Variants in DOCK9 observed in about 807,000 individuals in gnomAD.
The protein encoded by DOCK9 is dedicator of cytokinesis 9.
In DOCK9, 89 loss-of-function variants were observed where a neutral mutation model predicts 263.3. The observed-to-expected ratio is 0.34, with a 90% confidence interval of 0.28 to 0.40. The LOEUF is 0.40. Among genes scored for constraint, DOCK9 ranks in the 10% least tolerant of loss-of-function variants. DOCK9 has a pLI of 1.00. For missense variants in DOCK9, 2,140 were observed against 2,603.4 expected (o/e 0.82, Z 3.87); for synonymous variants, 976 against 973.1 (o/e 1.00, Z -0.06).
intron 1 of DOCK9, among the ~76,000 whole-genome samples, chr13:99,063,214 C>T (rs1002549170): frequency 1.3e-5 from 2 of 152,200 alleles, no homozygotes; most frequent in South Asian, 2.1e-4. Context: ...CAGGGACAAA[C>T]GAACGATGAA....
At chr13:98,948,675 C>T (rs374227097) in intron 2 of DOCK9, among the ~76,000 whole-genome samples, 12 of 152,332 alleles carry the variant, frequency 7.9e-5, no homozygotes, top group Non-Finnish European at 1.5e-4. Context: ...TTTCCAACTG[C>T]GTCTCTGTTC....
intron 1 of DOCK9, among the ~76,000 whole-genome samples, chr13:99,018,888 T>C (rs933110258): frequency 6.6e-6 from 1 of 152,028 alleles, no homozygotes; most frequent in Non-Finnish European, 1.5e-5. Flanking sequence ...TAAGACTAAA[T>C]GTCTGCCTTT....
At chr13:98,804,182 C>G (rs1270734028) in intron 49 of DOCK9, among the ~76,000 whole-genome samples, 1 of 152,140 alleles carries the variant, frequency 6.6e-6, no homozygotes, top group Non-Finnish European at 1.5e-5. Flanking sequence ...CTTTGGAAGA[C>G]GTGTGGTGAA....
intron 25 of DOCK9, 27 bp from the exon 26 acceptor site, chr13:98,880,699 A>G (rs1433539777): frequency 1.2e-6 from 2 of 1,609,068 alleles, no homozygotes; most frequent in South Asian, 1.1e-5. Flanking sequence ...AAGAGACTTT[A>G]ATGCACTGGC....
Position 98,977,784 on chromosome 13 carries a change from C to G in DOCK9, c.126G>C (p.Pro42=). The change falls in exon 1 of 53, where the codon CCG becomes CCC. Residue 42 remains proline, a splice_region_variant and synonymous_variant. Coordinates refer to ENST00000682017, the MANE Select transcript of DOCK9 (RefSeq NM_001366683.2). ...AACACTTTGTACGAGACCCTCTTAC[C>G]GGCACAGGGCCCGGGCTCTCTGCTT... is the stretch of plus-strand genomic sequence containing the variant. ...EVEAESPGPV[P]AKPKLIEPLD... The G allele has an allele frequency of 1.2e-6, 2 of 1,611,552 alleles. No individual in the cohort carries two copies. The highest frequency in any genetic ancestry group is 2.2e-5 in the South Asian group (2 of 90,370).
At chr13:98,969,319 G>A (rs991989681) in intron 1 of DOCK9, among the ~76,000 whole-genome samples, 1 of 152,168 alleles carries the variant, frequency 6.6e-6, no homozygotes, top group African/African-American at 2.4e-5. Context: ...GATATTGATG[G>A]CTAAACCTTT....
chr13:98,999,316 A>ACACACACACACACACTCTCTCTCT, intron 1 of DOCK9, among the ~76,000 whole-genome samples: 113 of 138,362 alleles, frequency 8.2e-4, no homozygotes, highest in African/African-American at 2.9e-3. Flanking sequence ...ACACACACAC[A>ACACACACACACACACTCTCTCTCT]CTCTCTCTCT....
intron 27 of DOCK9, among the ~76,000 whole-genome samples, chr13:98,877,681 C>CCAAA (rs1302768078): frequency 6.6e-6 from 1 of 152,152 alleles, no homozygotes; most frequent in Non-Finnish European, 1.5e-5. Flanking sequence ...GCACTTTGTT[C>CCAAA]CTACCTCTTC....
At chr13:98,975,359 C>A (rs1447427980) in intron 1 of DOCK9, among the ~76,000 whole-genome samples, 1 of 147,200 alleles carries the variant, frequency 6.8e-6, no homozygotes, top group Admixed American at 6.7e-5. Context: ...AAGACTTTGT[C>A]TCAAAAAAAA....
intron 1 of DOCK9, among the ~76,000 whole-genome samples, chr13:99,004,301 G>A (rs1201120823): frequency 1.3e-5 from 2 of 152,110 alleles, no homozygotes; most frequent in African/African-American, 4.8e-5. Flanking sequence ...AAGAAAATAT[G>A]GGAGGTTGGG....
At chr13:98,949,397 T>C (rs756452910) in intron 2 of DOCK9, among the ~76,000 whole-genome samples, 5 of 152,160 alleles carry the variant, frequency 3.3e-5, no homozygotes, top group Non-Finnish European at 7.4e-5. Context: ...GCCTTGTACA[T>C]AGCTTGAGTT....
intron 1 of DOCK9, among the ~76,000 whole-genome samples, chr13:98,966,071 C>T (rs1365428474): frequency 6.6e-6 from 1 of 152,102 alleles, no homozygotes; most frequent in Non-Finnish European, 1.5e-5. Context: ...TAAGGAAAAC[C>T]TACACAACTC....
At chr13:98,796,459 CA>C (rs200571391) in intron 52 of DOCK9, among the ~76,000 whole-genome samples, 1 of 151,754 alleles carries the variant, frequency 6.6e-6, no homozygotes, top group South Asian at 2.1e-4. Context: ...AGACCCCTCA[CA>C]AAAAAAACAA....
intron 1 of DOCK9, among the ~76,000 whole-genome samples, chr13:99,020,814 G>A (rs996329701): frequency 6.6e-6 from 1 of 152,190 alleles, no homozygotes; most frequent in Non-Finnish European, 1.5e-5. Context: ...GGCCAGGAAA[G>A]GAGAGGAATT....
chr13:98,991,049 G>A (rs58299074), intron 1 of DOCK9, among the ~76,000 whole-genome samples: 3,635 of 151,446 alleles, frequency 0.024, 147 homozygotes, highest in African/African-American at 0.083. Context: ...GTCTGAAAGT[G>A]GACTAAAAGG....
intron 2 of DOCK9, among the ~76,000 whole-genome samples, chr13:98,948,593 C>T (rs2057011986): frequency 6.6e-6 from 1 of 152,170 alleles, no homozygotes; most frequent in South Asian, 2.1e-4. Flanking sequence ...TTTAAGTGTA[C>T]AGTTCAATGG....
chr13:99,036,900 G>A (rs1317938481), intron 1 of DOCK9, among the ~76,000 whole-genome samples: 2 of 152,070 alleles, frequency 1.3e-5, no homozygotes, highest in Non-Finnish European at 2.9e-5. Context: ...TAAGACATCT[G>A]AAAACAAACA....
At chr13:98,882,716 T>G (rs186968128) in intron 23 of DOCK9, among the ~76,000 whole-genome samples, 2 of 152,296 alleles carry the variant, frequency 1.3e-5, no homozygotes, top group East Asian at 3.9e-4. Flanking sequence ...TCCCTAAGGG[T>G]GAGGACCGAA....
chr13:99,016,045 G>A (rs987406048), intron 1 of DOCK9: 2 of 154,064 alleles, frequency 1.3e-5, no homozygotes, highest in Admixed American at 6.5e-5. Context: ...CACTGCTGCA[G>A]ATGCTGCTGG....
Sources: allele counts gnomAD v4.1 joint callset (sites outside exome capture counted in the v4.1 genomes callset), GRCh38; gene constraint gnomAD v4.1.1; transcripts MANE v1.5; gene names NCBI Gene and HGNC (gene_info 2026-07-23, HGNC 2026-07-21).